Variants in ACER3 observed in about 807,000 individuals in gnomAD.
ACER3 encodes alkCDase 3.
A neutral mutation model predicts 48.9 loss-of-function variants in ACER3; 16 were observed. The observed-to-expected ratio is 0.33, with a 90% CI of 0.22 to 0.50. The LOEUF (loss-of-function observed/expected upper bound fraction) is 0.50. Ranked by LOEUF, ACER3 falls within the 20% of genes least tolerant of loss-of-function variation. ACER3 has a pLI of 0.98. For missense variants in ACER3, 227 were observed against 326.0 expected (o/e 0.70, Z 2.34); for synonymous variants, 109 against 107.8 (o/e 1.01, Z -0.07).
At chr11:76,981,521 T>G (rs887260222) in intron 4 of ACER3, among the ~76,000 whole-genome samples, 3 of 152,234 alleles carry the variant, frequency 2.0e-5, no homozygotes, top group African/African-American at 7.2e-5. Context: ...AACATTCTTT[T>G]CTGACCCATT....
At position 77,004,417 on chromosome 11, in the gene ACER3, G is replaced by A. The variant is rs555903093; in HGVS notation, c.497+5596G>A. On this transcript the variant is annotated intron_variant, in intron 7 of 10. Coordinates refer to ENST00000532485, the MANE Select transcript of ACER3 (RefSeq NM_018367.7). Reference sequence around the variant, plus strand: ...GCAGTGTTTGTGCCCCAAGTCCACCGACTTAGCTATTTAATGCTCAATGGT... The same window carrying A: ...GCAGTGTTTGTGCCCCAAGTCCACCAACTTAGCTATTTAATGCTCAATGGT... Among the ~76,000 whole-genome samples the A allele has an allele frequency of 7.9e-5, 12 of 152,318 alleles. 1 individual carries two copies. Among genetic ancestry groups the A allele is most frequent in the Middle Eastern group, 3.4e-3 (1 of 294 alleles).
At chr11:76,965,104 G>C (rs1192872053) in intron 3 of ACER3, among the ~76,000 whole-genome samples, 1 of 151,294 alleles carries the variant, frequency 6.6e-6, no homozygotes, top group East Asian at 1.9e-4. Flanking sequence ...CCAATGCAGA[G>C]AGGTCCTTAA....
chr11:76,868,347 T>A, intron 1 of ACER3: 2 of 1,187,002 alleles, frequency 1.7e-6, no homozygotes, highest in Non-Finnish European at 2.2e-6. Flanking sequence ...AAGGACAAAT[T>A]GAGTGTACAA....
At chr11:76,955,299 A>C (rs920513505) in intron 2 of ACER3, 1 of 152,260 alleles carries the variant, frequency 6.6e-6, no homozygotes, top group Non-Finnish European at 1.5e-5. Context: ...CTTGTATATG[A>C]GTGTTCACAT....
chr11:76,936,498 A>G (rs756070628), intron 2 of ACER3, among the ~76,000 whole-genome samples: 1 of 152,196 alleles, frequency 6.6e-6, no homozygotes, highest in Non-Finnish European at 1.5e-5. Context: ...AAGACTTTCT[A>G]TGATTCAAAA....
chr11:76,922,827 T>C (rs1209119396), intron 1 of ACER3, among the ~76,000 whole-genome samples: 1 of 152,126 alleles, frequency 6.6e-6, no homozygotes, highest in African/African-American at 2.4e-5. Context: ...CTTCACAAGA[T>C]TGGTTGTGAG....
intron 2 of ACER3, among the ~76,000 whole-genome samples, chr11:76,931,225 T>G (rs932298185): frequency 2.1e-4 from 27 of 131,700 alleles, no homozygotes; most frequent in Non-Finnish European, 4.1e-4. Flanking sequence ...TGTAATGGCC[T>G]TCTTTGTCTC....
At chr11:76,996,202 C>T (rs1308822707) in intron 6 of ACER3, among the ~76,000 whole-genome samples, 1 of 152,052 alleles carries the variant, frequency 6.6e-6, no homozygotes, top group Non-Finnish European at 1.5e-5. Flanking sequence ...TCTAATCTGG[C>T]CACTTCTCTG....
At chr11:76,941,035 A>ACACACG (rs71043513) in intron 2 of ACER3, among the ~76,000 whole-genome samples, 2 of 136,540 alleles carry the variant, frequency 1.5e-5, no homozygotes, top group African/African-American at 7.1e-5. Context: ...ACACACACAC[A>ACACACG]CACACGCACA....
At chr11:77,006,744 C>G (rs1198039525) in intron 7 of ACER3, among the ~76,000 whole-genome samples, 3 of 151,774 alleles carry the variant, frequency 2.0e-5, no homozygotes, top group Non-Finnish European at 2.9e-5. Context: ...TTGTTTGTCT[C>G]TCACTACTTC....
Position 76,951,837 on chromosome 11 carries a change from G to A in ACER3, c.215-7142G>A, listed in dbSNP as rs1057432385. On this transcript the variant is annotated intron_variant, in intron 2 of 10. Transcript: ENST00000532485. ...TTTTCATGGGCAACAGTCATTGACA[G>A]CCCTTTAAAATACATGTACCAGGGT... is the stretch of plus-strand genomic sequence containing the variant. Among the ~76,000 whole-genome samples the A allele has an allele frequency of 9.2e-5, 14 of 152,178 alleles. 1 individual carries two copies. Among genetic ancestry groups the A allele is most frequent in the Admixed American group, 9.2e-4 (14 of 15,266 alleles).
At chr11:76,980,871 A>G (rs1164801941) in intron 4 of ACER3, among the ~76,000 whole-genome samples, 3 of 152,224 alleles carry the variant, frequency 2.0e-5, no homozygotes, top group African/African-American at 7.2e-5. Context: ...GAAGATTAAA[A>G]TAAATGATTT....
At chr11:77,008,065 A>G (rs1949190463) in intron 7 of ACER3, among the ~76,000 whole-genome samples, 2 of 152,170 alleles carry the variant, frequency 1.3e-5, no homozygotes, top group African/African-American at 2.4e-5. Context: ...TCAATTTAAA[A>G]TAATATTAAT....
intron 2 of ACER3, among the ~76,000 whole-genome samples, chr11:76,927,779 G>C (rs958301658): frequency 6.6e-6 from 1 of 152,120 alleles, no homozygotes; most frequent in African/African-American, 2.4e-5. Flanking sequence ...TCCCTACAAA[G>C]GACATGAACT....
intron 1 of ACER3, among the ~76,000 whole-genome samples, chr11:76,909,187 A>G (rs550847399): frequency 1.3e-5 from 2 of 152,328 alleles, no homozygotes; most frequent in South Asian, 2.1e-4. Flanking sequence ...AAACCTAGGC[A>G]ATACCATTCA....
chr11:76,897,749 G>A (rs1945970538), intron 1 of ACER3, among the ~76,000 whole-genome samples: 2 of 152,074 alleles, frequency 1.3e-5, no homozygotes, highest in South Asian at 4.1e-4. Context: ...TCATTTCTAG[G>A]AAAACATCTT....
intron 1 of ACER3, among the ~76,000 whole-genome samples, chr11:76,926,287 C>A (rs527552929): frequency 6.6e-6 from 1 of 152,264 alleles, no homozygotes; most frequent in South Asian, 2.1e-4. Context: ...AGATCTTTTT[C>A]TTGCTTGCCT....
intron 5 of ACER3, among the ~76,000 whole-genome samples, chr11:76,988,879 A>C (rs1948738712): frequency 6.6e-6 from 1 of 152,202 alleles, no homozygotes. Flanking sequence ...GTTTGGATCC[A>C]GGCTACTTAA....
At chr11:76,994,950 GA>G (rs1022618232) in intron 6 of ACER3, among the ~76,000 whole-genome samples, 1 of 152,096 alleles carries the variant, frequency 6.6e-6, no homozygotes, top group Non-Finnish European at 1.5e-5. Context: ...ACAGATCATT[GA>G]AAGGCTACCT....
Sources: gnomAD v4.1 joint callset for allele counts (sites outside exome capture counted in the v4.1 genomes callset) on GRCh38, gnomAD v4.1.1 for gene constraint, MANE v1.5 for transcripts, NCBI Gene and HGNC (gene_info 2026-07-23, HGNC 2026-07-21) for gene names.